The following ACACB variants were observed in gnomAD, a reference collection of about 807,000 sequenced individuals.
ACACB encodes the protein acetyl-CoA carboxylase beta, also known as acetyl-CoA carboxylase 2.
In ACACB, 209 loss-of-function variants were observed where a neutral mutation model predicts 278.8. The observed-to-expected ratio is 0.75, with a 90% CI of 0.67 to 0.84. The LOEUF (loss-of-function observed/expected upper bound fraction) is 0.84. Ranked by LOEUF, ACACB falls within the 40% of genes least tolerant of loss-of-function variation. The pLI is 0.00. For missense variants in ACACB, 2,850 were observed against 3,269.0 expected (o/e 0.87, Z 3.13); for synonymous variants, 1,174 against 1,285.6 (o/e 0.91, Z 1.86).
intron 4 of ACACB, among the ~76,000 whole-genome samples, chr12:109,169,462 A>G (rs1462950639): frequency 6.6e-6 from 1 of 152,176 alleles, no homozygotes; most frequent in Non-Finnish European, 1.5e-5. Flanking sequence ...GGGTCCTCCC[A>G]TCTTGGTTAG....
Position 109,197,152 on chromosome 12 carries a change from A to G in ACACB, c.2626A>G (p.Ser876Gly). The change falls in exon 17 of 53, where the codon AGT (serine) becomes GGT (glycine). Residue 876 changes from serine to glycine, a missense_variant and splice_region_variant. Physicochemically the swap from Ser to Gly is moderately conservative, Grantham distance 56 (BLOSUM62 0). This residue lies in a region of ACACB where 2,265 missense variants were observed against 2,561.3 expected (regional missense o/e 0.88). Coordinates refer to ENST00000338432, the MANE Select transcript of ACACB (RefSeq NM_001093.4). ...YTTYMKEEVDSYRITIGNKTC... is the reference protein window; with the variant it reads ...YTTYMKEEVDGYRITIGNKTC... ...CACCTACATGAAGGAAGAGGTTGAC[A>G]GGTGCGTGGGGGTGCGAGTCCCACT... The G allele has an allele frequency of 1.2e-6, 2 of 1,604,960 alleles. No homozygotes were observed. Among genetic ancestry groups the G allele is most frequent in the East Asian group, 4.5e-5 (2 of 43,958 alleles).
intron 18 of ACACB, among the ~76,000 whole-genome samples, chr12:109,200,761 A>T (rs1258734564): frequency 6.6e-6 from 1 of 152,180 alleles, no homozygotes; most frequent in Non-Finnish European, 1.5e-5. Context: ...CCGGAAAATA[A>T]CAACAATAAT....
At chr12:109,124,590 T>C (rs1184575248) in intron 1 of ACACB, among the ~76,000 whole-genome samples, 1 of 152,256 alleles carries the variant, frequency 6.6e-6, no homozygotes, top group Non-Finnish European at 1.5e-5. Context: ...GCCGAATGAC[T>C]TTACTGCCTG....
At chr12:109,237,443 G>A in intron 34 of ACACB, 63 bp downstream of exon 34, 1 of 1,504,964 alleles carries the variant, frequency 6.6e-7, no homozygotes, top group South Asian at 1.2e-5. Flanking sequence ...TTACATTCCT[G>A]CTCTGTGCTG....
intron 40 of ACACB, chr12:109,248,991 A>G (rs2047023979): frequency 6.6e-6 from 1 of 152,262 alleles, no homozygotes; most frequent in Non-Finnish European, 1.5e-5. Flanking sequence ...TTTCACTGAG[A>G]CAGCCCCTGA....
chr12:109,251,340 A>G (rs1380975621), intron 41 of ACACB, among the ~76,000 whole-genome samples: 1 of 152,196 alleles, frequency 6.6e-6, no homozygotes, highest in East Asian at 1.9e-4. Flanking sequence ...TGTCTGCTTA[A>G]CTACCTACTC....
rs991102171 is a variant in ACACB at position 109,232,564 on chromosome 12, A to G, written c.4002-105A>G. The G allele has an allele frequency of 4.3e-6, 6 of 1,389,204 alleles. No individual in the cohort carries two copies. The Admixed American group carries it at 6.5e-5, about 15-fold the overall frequency. The allele number at this position is 1,389,204 out of a possible 1,614,324, so 86.1% of individuals were successfully genotyped here. On this transcript the variant is annotated intron_variant, in intron 28 of 52. Coordinates refer to ENST00000338432, the MANE Select transcript of ACACB (RefSeq NM_001093.4). ...CCCATTTTAAGCCCCCATTTGGAAGAGCTCTAAATCTGGTCCAGCTCACTG... is the reference window on the plus strand; with the variant it reads ...CCCATTTTAAGCCCCCATTTGGAAGGGCTCTAAATCTGGTCCAGCTCACTG...
intron 1 of ACACB, among the ~76,000 whole-genome samples, chr12:109,127,706 C>A (rs2042715354): frequency 6.6e-6 from 1 of 152,174 alleles, no homozygotes; most frequent in Admixed American, 6.5e-5. Context: ...TTTGCTGTCC[C>A]CGAACATTTG....
Position 109,191,655 on chromosome 12 carries a change from C to A in ACACB, c.2187C>A (p.Asp729Glu). Residue 729 changes from aspartate to glutamate, a missense_variant, in exon 14 of 53, where the codon GAC becomes GAA. Transcript: ENST00000338432. ...TGAAGGAACTGTCCATCCGAGGCGA[C>A]TTTAGGACTACCGTGGAATACCTCA... ...VALKELSIRG[D>E]FRTTVEYLIN... is the part of the protein sequence containing the mutation. 6.2e-7 allele frequency: 1 copy of A among 1,614,194 alleles called. No homozygotes were observed. The highest frequency in any genetic ancestry group is 8.5e-7 in the Non-Finnish European group (1 of 1,180,030).
At chr12:109,185,528 G>A in intron 11 of ACACB, 51 bp from the exon 12 acceptor site, 6 of 1,604,732 alleles carry the variant, frequency 3.7e-6, no homozygotes, top group Non-Finnish European at 5.1e-6. Context: ...GTGTTTTGGG[G>A]CCGTGTTCTG....
At chr12:109,262,984 T>TATATATATATATATATATATA (rs1593741001) in intron 49 of ACACB, 1 of 32,096 alleles carries the variant, frequency 3.1e-5, no homozygotes, top group African/African-American at 5.5e-5. Flanking sequence ...ATATATATAT[T>TATATATATATATATATATATA]GCCATCGTGA....
chr12:109,228,033 CAAAA>C (rs1444511686), intron 28 of ACACB, among the ~76,000 whole-genome samples: 2 of 71,884 alleles, frequency 2.8e-5, no homozygotes, highest in African/African-American at 4.2e-5. Context: ...GACTCCGTCT[CAAAA>C]AAAAAAAAAA....
chr12:109,133,122 T>C (rs1302393282), intron 1 of ACACB, among the ~76,000 whole-genome samples: 3 of 152,212 alleles, frequency 2.0e-5, no homozygotes, highest in Non-Finnish European at 4.4e-5. Context: ...ACTTATATCA[T>C]GTAAAACTTG....
In ACACB at chr12:109,257,050, G is replaced by GA. The variant is rs1305998490; in HGVS notation, c.6263+815dup. On this transcript the variant is annotated intron_variant, in intron 45 of 52. Transcript: ENST00000338432. ...GCACGTTGGGAGGCCAAGGCGGGTG[G>GA]ATCACCTGCAGTCAGGAGTTCGAGA... Among the ~76,000 whole-genome samples, 16 of 152,260 alleles carry GA rather than the reference G, an allele frequency of 1.1e-4. No homozygotes were observed. In the East Asian group the frequency reaches 2.7e-3, roughly 26 times the overall value.
At chr12:109,249,935 G>T (rs779897391) in intron 40 of ACACB, 49 bp from the exon 41 acceptor site, 1 of 1,562,178 alleles carries the variant, frequency 6.4e-7, no homozygotes, top group Non-Finnish European at 8.7e-7. Context: ...ATCCACCTTG[G>T]ATTTTTTGGG....
chr12:109,146,649 G>A (rs757379718), intron 2 of ACACB, among the ~76,000 whole-genome samples: 11 of 152,076 alleles, frequency 7.2e-5, no homozygotes, highest in Non-Finnish European at 1.6e-4. Context: ...TTGTTTTGAC[G>A]CTTTGTTGTC....
chr12:109,231,527 C>G (rs527521947), intron 28 of ACACB, among the ~76,000 whole-genome samples: 2 of 152,194 alleles, frequency 1.3e-5, no homozygotes, highest in South Asian at 4.2e-4. Context: ...GGGCCATGAT[C>G]GTGATTTCAG....
intron 15 of ACACB, among the ~76,000 whole-genome samples, chr12:109,193,351 G>A (rs929035914): frequency 3.9e-5 from 6 of 151,942 alleles, no homozygotes; most frequent in African/African-American, 1.5e-4. Flanking sequence ...CCGAGTAGCT[G>A]GGATGACAGC....
chr12:109,168,874 C>T (rs1219942076), intron 4 of ACACB, among the ~76,000 whole-genome samples: 3 of 152,062 alleles, frequency 2.0e-5, no homozygotes, highest in Admixed American at 2.0e-4. Flanking sequence ...CACAGTGGCT[C>T]ACGCCTGTAA....
Sources: allele counts gnomAD v4.1 joint callset (sites outside exome capture counted in the v4.1 genomes callset), GRCh38; gene constraint gnomAD v4.1.1; regional missense constraint gnomAD v4.1.1; transcripts MANE v1.5; gene names NCBI Gene and HGNC (gene_info 2026-07-23, HGNC 2026-07-21).